MAGI1: variants seen among roughly 807,000 people sequenced by gnomAD.
MAGI1 encodes membrane associated guanylate kinase, WW and PDZ domain containing 1.
Under a neutral mutation model 139.9 loss-of-function variants are expected in MAGI1, and 58 were observed. The ratio of observed to expected loss-of-function variants is 0.41; its 90% CI spans 0.34 to 0.52. The LOEUF (loss-of-function observed/expected upper bound fraction) is 0.52, where lower values mean the gene tolerates loss of function less well. Ranked by LOEUF, MAGI1 falls within the 20% of genes least tolerant of loss-of-function variation. MAGI1 has a pLI of 0.12. For synonymous variants in MAGI1, 812 were observed against 737.9 expected (o/e 1.10, Z -1.63); for missense variants, 1,874 against 1,901.6 (o/e 0.99, Z 0.27).
intron 1 of MAGI1, among the ~76,000 whole-genome samples, chr3:65,691,069 G>A (rs553899279): frequency 3.2e-4 from 49 of 152,040 alleles, no homozygotes; most frequent in African/African-American, 7.2e-4. Flanking sequence ...TTGGGAGGCC[G>A]GGGCAGGCGG....
chr3:65,944,340 C>T (rs922151121), intron 1 of MAGI1, among the ~76,000 whole-genome samples: 2 of 152,012 alleles, frequency 1.3e-5, no homozygotes, highest in African/African-American at 4.8e-5. Context: ...TAGCGAGACT[C>T]TATCTCTACA....
chr3:65,394,549 C>T (rs931346347), intron 13 of MAGI1, among the ~76,000 whole-genome samples: 5 of 152,174 alleles, frequency 3.3e-5, no homozygotes, highest in African/African-American at 1.2e-4. Flanking sequence ...TAAGACTTAA[C>T]CTCATTCTAT....
chr3:65,386,140 A>G lies in MAGI1; in HGVS notation c.2417-2517T>C, dbSNP rs547569752. On this transcript the variant is annotated intron_variant, in intron 14 of 22. Coordinates refer to ENST00000402939, the MANE Select transcript of MAGI1 (RefSeq NM_001033057.2). ...CATTTGCCCATCCTACAGTGACACC[A>G]AATGTAACAAGTTTCTGCCTACTGT... Among the ~76,000 whole-genome samples the G allele has an allele frequency of 5.3e-5, 8 of 152,220 alleles. No homozygotes were observed. In the East Asian group the frequency reaches 9.7e-4, roughly 18 times the overall value.
rs1362016685 is a variant in MAGI1, at chr3:65,721,127, A to C, written c.314-99039T>G. 2.0e-5 allele frequency among the ~76,000 whole-genome samples: 3 copies of C among 152,256 alleles called. No individual in the cohort carries two copies. The East Asian group carries it at 5.8e-4, about 29-fold the overall frequency. ...TGCAGTGTAGCCTTCCTAGAGTTCC[A>C]GAGGTAGTGAGACCAACGCCCTATT... On this transcript the variant is annotated intron_variant, in intron 1 of 22. Transcript: ENST00000402939.
chr3:65,543,099 T>C (rs1248019878), intron 2 of MAGI1, among the ~76,000 whole-genome samples: 1 of 150,074 alleles, frequency 6.7e-6, no homozygotes, highest in Admixed American at 6.6e-5. Flanking sequence ...GCAAAGGATA[T>C]GAACAGACAC....
At chr3:65,465,797 A>C (rs1950129465) in intron 5 of MAGI1, among the ~76,000 whole-genome samples, 2 of 152,142 alleles carry the variant, frequency 1.3e-5, no homozygotes, top group Non-Finnish European at 2.9e-5. Flanking sequence ...TAGTTCTTCA[A>C]GTACTTTTCT....
At chr3:65,360,727 G>A (rs1940760677) in intron 22 of MAGI1, 1 of 1,005,342 alleles carries the variant, frequency 9.9e-7, no homozygotes. Flanking sequence ...AGGGAGGTTA[G>A]CAAAGCCCCC....
At position 65,496,502 on chromosome 3, in the gene MAGI1, T is replaced by C. The variant is rs560961408; in HGVS notation, c.431-2871A>G. ...ATGGACTAGAATAGGACAGAAGTGATAAGAAGCAGTGAGATTTCTATTACA... is the reference window on the plus strand; with the variant it reads ...ATGGACTAGAATAGGACAGAAGTGACAAGAAGCAGTGAGATTTCTATTACA... On this transcript the variant is annotated intron_variant, in intron 2 of 22. Coordinates refer to ENST00000402939, the MANE Select transcript of MAGI1 (RefSeq NM_001033057.2). 3.9e-5 allele frequency among the ~76,000 whole-genome samples: 6 copies of C among 152,306 alleles called. No individual in the cohort carries two copies. In the East Asian group the frequency reaches 7.7e-4, roughly 20 times the overall value.
At chr3:65,882,950 A>C (rs554848491) in intron 1 of MAGI1, among the ~76,000 whole-genome samples, 2 of 149,466 alleles carry the variant, frequency 1.3e-5, no homozygotes, top group South Asian at 4.2e-4. Flanking sequence ...AAAAAAAAAA[A>C]AGGAAAAAAG....
rs71102867 is a variant in MAGI1, at chr3:65,516,718, C to CTTTTTTTTTTTTT, written c.431-23100_431-23088dup. On this transcript the variant is annotated intron_variant, in intron 2 of 22. Coordinates refer to ENST00000402939, the MANE Select transcript of MAGI1 (RefSeq NM_001033057.2). ...GGAAGAAACATAGTACATCCCACCT[C>CTTTTTTTTTTTTT]TTTTTTTTTTTTTTTTTTTTTTTTT... Among the ~76,000 whole-genome samples, 17 of 66,996 alleles carry CTTTTTTTTTTTTT rather than the reference C, an allele frequency of 2.5e-4. 1 individual carries two copies. Among genetic ancestry groups the CTTTTTTTTTTTTT allele is most frequent in the African/African-American group, 8.0e-4 (14 of 17,572 alleles). 44.0% of individuals were successfully genotyped at this position (66,996 alleles called of 152,430 possible). A position where few individuals can be genotyped will look rare whatever the true frequency, so the allele number is the denominator to read the frequency against.
At chr3:65,810,951 AAT>A (rs1031378681) in intron 1 of MAGI1, among the ~76,000 whole-genome samples, 27 of 152,340 alleles carry the variant, frequency 1.8e-4, no homozygotes, top group African/African-American at 5.8e-4. Context: ...GTAGGTACTT[AAT>A]ACATGTTTGT....
Position 65,361,276 on chromosome 3 carries a change from G to C in MAGI1, c.3557C>G (p.Ala1186Gly). 1 of 1,614,100 alleles carries C rather than the reference G, an allele frequency of 6.2e-7. No homozygotes were observed. The highest frequency in any genetic ancestry group is 8.5e-7 in the Non-Finnish European group (1 of 1,179,998). Residue 1186 changes from alanine (A) to glycine (G), a missense_variant, in exon 22 of 23, where the codon GCT (alanine) becomes GGT (glycine). Ala to Gly is a moderately conservative substitution (Grantham distance 60, BLOSUM62 0). This residue lies in a region of MAGI1 where 653 missense variants were observed against 644.5 expected (regional missense o/e 1.01). Coordinates refer to ENST00000402939, the MANE Select transcript of MAGI1 (RefSeq NM_001033057.2). The part of the protein sequence containing the change: ...ETTKNMKHSR[A>G]IELIKNGGRR... ...GCCACCATTCTTAATCAGTTCTATAGCTCGAGAATGCTTCATGTTTTTGGT... is the reference window on the plus strand; with the variant it reads ...GCCACCATTCTTAATCAGTTCTATACCTCGAGAATGCTTCATGTTTTTGGT...
intron 2 of MAGI1, among the ~76,000 whole-genome samples, chr3:65,536,602 C>T (rs1438204493): frequency 1.3e-5 from 2 of 152,098 alleles, no homozygotes; most frequent in East Asian, 3.9e-4. Context: ...TTCTGGCCAC[C>T]AGTTCCCAGC....
chr3:65,911,669 C>T (rs970991055), intron 1 of MAGI1, among the ~76,000 whole-genome samples: 4 of 152,122 alleles, frequency 2.6e-5, no homozygotes, highest in African/African-American at 9.7e-5. Flanking sequence ...ACAGCATAAC[C>T]GCTCTCTCTT....
chr3:66,038,414 A>G lies in MAGI1; in HGVS notation c.-106T>C. 2.8e-6 allele frequency: 4 copies of G among 1,428,782 alleles called. No homozygotes were observed. The highest frequency in any genetic ancestry group is 3.7e-6 in the Non-Finnish European group (4 of 1,079,526). 88.5% of individuals were successfully genotyped at this position (1,428,782 alleles called of 1,614,324 possible). On this transcript the variant is annotated 5_prime_UTR_variant, in exon 1 of 23. Transcript: ENST00000402939. The stretch of plus-strand genomic sequence containing the variant: ...TTCATGGGAGAAACATCTCTCCCCA[A>G]ATCACAAAACAGGAGAGAGAAACTT...
chr3:65,413,351 GA>G (rs1382336269), intron 12 of MAGI1, among the ~76,000 whole-genome samples: 1 of 152,148 alleles, frequency 6.6e-6, no homozygotes, highest in Non-Finnish European at 1.5e-5. Context: ...ATAAGCCTTA[GA>G]AAACACAGGT....
intron 1 of MAGI1, among the ~76,000 whole-genome samples, chr3:65,668,850 C>A (rs1559770376): frequency 6.6e-6 from 1 of 152,044 alleles, no homozygotes; most frequent in Non-Finnish European, 1.5e-5. Flanking sequence ...CTGTGCCCAG[C>A]CGCCATTTAG....
At chr3:65,374,553 G>A (rs960982549) in intron 18 of MAGI1, among the ~76,000 whole-genome samples, 2 of 152,010 alleles carry the variant, frequency 1.3e-5, no homozygotes, top group African/African-American at 4.8e-5. Context: ...CCTGACCTCA[G>A]GTGATCCACC....
intron 3 of MAGI1, among the ~76,000 whole-genome samples, chr3:65,488,724 G>A (rs1951789867): frequency 6.6e-6 from 1 of 151,718 alleles, no homozygotes; most frequent in Non-Finnish European, 1.5e-5. Context: ...AGGCTGGAGT[G>A]CAGTGGTGTG....
Sources: allele counts gnomAD v4.1 joint callset (sites outside exome capture counted in the v4.1 genomes callset), GRCh38; gene constraint gnomAD v4.1.1; regional missense constraint gnomAD v4.1.1; transcripts MANE v1.5; gene names NCBI Gene and HGNC (gene_info 2026-07-23, HGNC 2026-07-21).